The following PIGK variants were observed in gnomAD, a reference collection of about 807,000 sequenced individuals.
The protein encoded by PIGK is phosphatidylinositol glycan anchor biosynthesis class K.
Under a neutral mutation model 50.6 loss-of-function variants are expected in PIGK, and 42 were observed. The ratio of observed to expected loss-of-function variants is 0.83; its 90% CI spans 0.65 to 1.07. PIGK has a LOEUF of 1.07. Among genes scored for constraint, PIGK ranks in the 50% least tolerant of loss-of-function variants. PIGK has a pLI of 0.00. For synonymous variants in PIGK, 151 were observed against 156.0 expected, an observed-to-expected ratio of 0.97 and a Z score of 0.24; for missense variants, 448 against 488.7, an observed-to-expected ratio of 0.92 and a Z score of 0.78.
intron 1 of PIGK, among the ~76,000 whole-genome samples, chr1:77,216,619 T>C (rs1368809750): frequency 1.3e-5 from 2 of 152,096 alleles, no homozygotes; most frequent in Non-Finnish European, 2.9e-5. Flanking sequence ...AGTGTGTGTG[T>C]GGCATGTGTG....
chr1:77,218,266 G>C (rs576471129), intron 1 of PIGK, among the ~76,000 whole-genome samples: 7 of 152,200 alleles, frequency 4.6e-5, no homozygotes, highest in African/African-American at 1.4e-4. Flanking sequence ...AGAATAACCT[G>C]ATCAGGCTTA....
Position 77,092,268 on chromosome 1 carries a change from C to G in PIGK, c.*106G>C. 3.5e-6 allele frequency: 2 copies of G among 576,994 alleles called. No individual in the cohort carries two copies. Among genetic ancestry groups the G allele is most frequent in the South Asian group, 2.6e-5 (1 of 38,240 alleles). The allele number at this position is 576,994 out of a possible 1,614,324, so 35.7% of individuals were successfully genotyped here. ...TTGATTCAAATTTAGTTTCCTTATA[C>G]TTATTTCCAATTCATACAAGAGAAA... On this transcript the variant is annotated 3_prime_UTR_variant, in exon 11 of 11. Coordinates refer to ENST00000370812, the MANE Select transcript of PIGK (RefSeq NM_005482.3).
intron 5 of PIGK, among the ~76,000 whole-genome samples, chr1:77,165,017 TG>T (rs1655204633): frequency 6.6e-6 from 1 of 152,180 alleles, no homozygotes; most frequent in Non-Finnish European, 1.5e-5. Flanking sequence ...GCACAACTAC[TG>T]AACTCTGCTG....
chr1:77,157,247 G>A (rs1655029124), intron 8 of PIGK, among the ~76,000 whole-genome samples: 1 of 152,154 alleles, frequency 6.6e-6, no homozygotes, highest in Non-Finnish European at 1.5e-5. Flanking sequence ...GATAGGTTAA[G>A]TCACTGCCCC....
At chr1:77,095,411 T>G (rs1448247461) in intron 10 of PIGK, among the ~76,000 whole-genome samples, 2 of 152,206 alleles carry the variant, frequency 1.3e-5, no homozygotes, top group Non-Finnish European at 2.9e-5. Context: ...TAAGGGACTT[T>G]AGCTCACTCC....
Position 77,151,924 on chromosome 1 carries a change from T to G in PIGK, c.986+2525A>C, listed in dbSNP as rs562972012. On this transcript the variant is annotated intron_variant, in intron 9 of 10. Transcript: ENST00000370812. ...AAAATGTCCATACTACCAGAAGAAGTATATTTATTGATCTATACATATGCA... is the reference window on the plus strand; with the variant it reads ...AAAATGTCCATACTACCAGAAGAAGGATATTTATTGATCTATACATATGCA... 2.8e-4 allele frequency among the ~76,000 whole-genome samples: 42 copies of G among 152,220 alleles called. No individual in the cohort carries two copies. In the East Asian group the frequency reaches 3.5e-3, roughly 13 times the overall value.
intron 10 of PIGK, among the ~76,000 whole-genome samples, chr1:77,096,993 T>C (rs1653425685): frequency 6.6e-6 from 1 of 151,424 alleles, no homozygotes; most frequent in Admixed American, 6.6e-5. Flanking sequence ...TTATTCACAA[T>C]AGCAAAGACT....
At chr1:77,210,280 T>C (rs549014768) in intron 2 of PIGK, among the ~76,000 whole-genome samples, 156 bp downstream of exon 2, 14 of 152,162 alleles carry the variant, frequency 9.2e-5, no homozygotes, top group South Asian at 2.1e-4. Flanking sequence ...TTATTATAGT[T>C]GATGTGGTCA....
At chr1:77,191,431 T>C (rs996028670) in intron 3 of PIGK, among the ~76,000 whole-genome samples, 20 of 152,232 alleles carry the variant, frequency 1.3e-4, no homozygotes, top group African/African-American at 4.8e-4. Flanking sequence ...AATAAAAGTA[T>C]TTTGGAACCT....
At chr1:77,145,331 T>A (rs1381155959) in intron 9 of PIGK, among the ~76,000 whole-genome samples, 1 of 151,856 alleles carries the variant, frequency 6.6e-6, no homozygotes, top group African/African-American at 2.4e-5. Context: ...AATAAAAAAA[T>A]AAAAAGCCTG....
Position 77,203,914 on chromosome 1 carries a change from A to G in PIGK, c.239+2726T>C, listed in dbSNP as rs112603800. Among the ~76,000 whole-genome samples, 686 of 152,220 alleles carry G rather than the reference A, an allele frequency of 4.5e-3. 5 individuals are homozygous for G. The highest frequency in any genetic ancestry group is 0.016 in the African/African-American group (652 of 41,538). On this transcript the variant is annotated intron_variant, in intron 3 of 10. Coordinates refer to ENST00000370812, the MANE Select transcript of PIGK (RefSeq NM_005482.3). ...CATCATCTTGGTAAACTGAGGATGTATGTTGCTTCAGGATCCTGAGATGAT... is the reference window on the plus strand; with the variant it reads ...CATCATCTTGGTAAACTGAGGATGTGTGTTGCTTCAGGATCCTGAGATGAT...
chr1:77,170,308 C>G (rs1385217998), intron 3 of PIGK, among the ~76,000 whole-genome samples: 1 of 152,156 alleles, frequency 6.6e-6, no homozygotes. Flanking sequence ...CAGCCTCTAC[C>G]ACCCACATTC....
chr1:77,206,579 A>G, intron 3 of PIGK, 61 bp downstream of exon 3: 1 of 884,394 alleles, frequency 1.1e-6, no homozygotes, highest in Non-Finnish European at 1.8e-6. Flanking sequence ...AAATATAATA[A>G]CAATTATCTA....
At position 77,163,964 on chromosome 1, in the gene PIGK, A is replaced by G. The variant is rs554440472; in HGVS notation, c.488-22T>C. On this transcript the variant is annotated intron_variant, in intron 5 of 10. Coordinates refer to ENST00000370812, the MANE Select transcript of PIGK (RefSeq NM_005482.3). ...TGCCCTTGTATAAAGAGTAAAAAAG[A>G]TCAATAGATTTTTTAATGCAAACTG... is the stretch of plus-strand genomic sequence containing the variant. 3 of 1,377,960 alleles carry G rather than the reference A, an allele frequency of 2.2e-6. No individual in the cohort carries two copies. The South Asian group carries it at 3.7e-5, about 17-fold the overall frequency. The allele number at this position is 1,377,960 out of a possible 1,614,324, so 85.4% of individuals were successfully genotyped here.
intron 3 of PIGK, among the ~76,000 whole-genome samples, chr1:77,175,956 T>A (rs1309063851): frequency 1.3e-5 from 2 of 152,040 alleles, no homozygotes; most frequent in African/African-American, 4.8e-5. Context: ...TATGAAAGGG[T>A]GAAATTTGGC....
intron 9 of PIGK, among the ~76,000 whole-genome samples, chr1:77,148,796 C>T (rs1021454590): frequency 7.3e-5 from 11 of 151,654 alleles, no homozygotes; most frequent in Admixed American, 3.9e-4. Flanking sequence ...CTTACTGCAG[C>T]CCCCGCCTCC....
chr1:77,103,500 G>C (rs931566878), intron 10 of PIGK, among the ~76,000 whole-genome samples: 31 of 152,202 alleles, frequency 2.0e-4, no homozygotes, highest in Non-Finnish European at 3.7e-4. Flanking sequence ...CAATTAGAAA[G>C]TCAGACAAAA....
chr1:77,093,602 A>G (rs571372703), intron 10 of PIGK, among the ~76,000 whole-genome samples: 16 of 152,284 alleles, frequency 1.1e-4, no homozygotes, highest in South Asian at 8.3e-4. Context: ...TAGAGTTTTC[A>G]GAGCTTTTAA....
intron 9 of PIGK, among the ~76,000 whole-genome samples, chr1:77,128,693 A>G (rs889498384): frequency 2.6e-5 from 4 of 152,188 alleles, no homozygotes; most frequent in Admixed American, 6.5e-5. Context: ...ACTCTACTAA[A>G]TCTATCAGGA....
Sources: allele counts gnomAD v4.1 joint callset (sites outside exome capture counted in the v4.1 genomes callset), GRCh38; gene constraint gnomAD v4.1.1; transcripts MANE v1.5; gene names NCBI Gene and HGNC (gene_info 2026-07-23, HGNC 2026-07-21).